The following TANGO6 variants were observed in gnomAD, a reference collection of about 807,000 sequenced individuals.
The protein encoded by TANGO6 is transport and Golgi organization protein 6 homolog.
Under a neutral mutation model 114.2 loss-of-function variants are expected in TANGO6, and 90 were observed. The observed-to-expected ratio is 0.79, with a 90% CI of 0.66 to 0.94. The LOEUF (loss-of-function observed/expected upper bound fraction) is 0.94, where lower values mean the gene tolerates loss of function less well. Ranked by LOEUF, TANGO6 falls within the 40% of genes least tolerant of loss-of-function variation. The pLI is 0.00. For missense variants in TANGO6, 1,274 were observed against 1,315.3 expected (o/e 0.97, Z 0.49); for synonymous variants, 477 against 509.8 (o/e 0.94, Z 0.87).
chr16:68,871,398 T>G (rs1169004239), intron 4 of TANGO6, among the ~76,000 whole-genome samples: 2 of 151,928 alleles, frequency 1.3e-5, no homozygotes, highest in Admixed American at 6.6e-5. Flanking sequence ...TTCTTTATGG[T>G]TTTTTTTCTG....
At chr16:69,042,421 C>T (rs1959788563) in intron 17 of TANGO6, among the ~76,000 whole-genome samples, 1 of 152,124 alleles carries the variant, frequency 6.6e-6, no homozygotes, top group East Asian at 1.9e-4. Flanking sequence ...GTGGCAGGCA[C>T]CTGTAATCCA....
intron 7 of TANGO6, among the ~76,000 whole-genome samples, chr16:68,897,864 C>T (rs1962727827): frequency 6.6e-6 from 1 of 152,136 alleles, no homozygotes; most frequent in African/African-American, 2.4e-5. Flanking sequence ...AGGTGTGAGC[C>T]ACCGCCCCTG....
intron 11 of TANGO6, among the ~76,000 whole-genome samples, chr16:68,916,514 C>G (rs1963007877): frequency 6.6e-6 from 1 of 151,542 alleles, no homozygotes; most frequent in African/African-American, 2.4e-5. Flanking sequence ...GAAACCGGTC[C>G]CTGGTGCCAA....
intron 11 of TANGO6, among the ~76,000 whole-genome samples, chr16:68,918,229 T>C (rs1317479682): frequency 6.6e-6 from 1 of 152,176 alleles, no homozygotes; most frequent in Non-Finnish European, 1.5e-5. Flanking sequence ...ATTATTGAGC[T>C]TTAAGAGTTC....
chr16:68,902,190 C>T (rs745470719), intron 8 of TANGO6, 138 bp from the exon 9 acceptor site: 250 of 661,592 alleles, frequency 3.8e-4, no homozygotes, highest in Non-Finnish European at 8.9e-5. Context: ...TCCATTCCTG[C>T]ATTTCAGTAG....
At chr16:68,862,476 C>T (rs1045109386) in intron 2 of TANGO6, among the ~76,000 whole-genome samples, 1 of 152,130 alleles carries the variant, frequency 6.6e-6, no homozygotes, top group East Asian at 1.9e-4. Context: ...GGATTACAGG[C>T]GTGAGCCACC....
intron 16 of TANGO6, among the ~76,000 whole-genome samples, chr16:69,037,009 G>A (rs1959699374): frequency 6.6e-6 from 1 of 151,710 alleles, no homozygotes; most frequent in Non-Finnish European, 1.5e-5. Context: ...GGTGGTGCAT[G>A]CCTATAGTCC....
chr16:69,041,590 C>T (rs763282705), intron 17 of TANGO6, among the ~76,000 whole-genome samples: 1 of 152,148 alleles, frequency 6.6e-6, no homozygotes, highest in Non-Finnish European at 1.5e-5. Context: ...CCTACACAGC[C>T]ACCTTTTCTC....
rs187572648 is a variant in TANGO6 at position 68,946,898 on chromosome 16, T to C, written c.2701+16603T>C. Among the ~76,000 whole-genome samples the C allele has an allele frequency of 8.5e-5, 13 of 152,294 alleles. No homozygotes were observed. In the East Asian group the frequency reaches 2.5e-3, roughly 29 times the overall value. ...GATTTATTTCTGTGTTTACTTCCAA[T>C]AGTTGTACAGATTTCACTCTTACAT... On this transcript the variant is annotated intron_variant, in intron 14 of 17. Coordinates refer to ENST00000261778, the MANE Select transcript of TANGO6 (RefSeq NM_024562.2).
intron 11 of TANGO6, among the ~76,000 whole-genome samples, chr16:68,910,746 G>A (rs532209047): frequency 3.9e-5 from 6 of 152,126 alleles, no homozygotes; most frequent in South Asian, 2.1e-4. Flanking sequence ...GCGCAGTCTC[G>A]GCTCACTGCA....
At chr16:69,079,163 T>G (rs2152245089) in intron 17 of TANGO6, among the ~76,000 whole-genome samples, 1 of 152,044 alleles carries the variant, frequency 6.6e-6, no homozygotes, top group Admixed American at 6.6e-5. Context: ...CTGTCTCTAT[T>G]TTTTAAAAAA....
intron 16 of TANGO6, among the ~76,000 whole-genome samples, chr16:69,037,964 TA>T (rs1335629146): frequency 1.3e-5 from 2 of 152,242 alleles, no homozygotes; most frequent in African/African-American, 2.4e-5. Context: ...CCTGTATAGT[TA>T]AAATTTCTGC....
At chr16:68,955,379 G>A (rs543182017) in intron 14 of TANGO6, among the ~76,000 whole-genome samples, 8 of 152,220 alleles carry the variant, frequency 5.3e-5, no homozygotes, top group South Asian at 2.1e-4. Context: ...AATTTCATCC[G>A]GGATATATCT....
chr16:68,923,434 G>A (rs1253772802), intron 12 of TANGO6, among the ~76,000 whole-genome samples: 1 of 152,164 alleles, frequency 6.6e-6, no homozygotes, highest in East Asian at 1.9e-4. Context: ...CAGAATGGAG[G>A]AAGGGGAGAG....
At chr16:68,856,180 A>T (rs1237964687) in intron 1 of TANGO6, among the ~76,000 whole-genome samples, 2 of 152,194 alleles carry the variant, frequency 1.3e-5, no homozygotes, top group African/African-American at 2.4e-5. Flanking sequence ...TAGAAGTGAG[A>T]ATAGACATCC....
chr16:68,954,520 A>G (rs1240629082), intron 14 of TANGO6, among the ~76,000 whole-genome samples: 1 of 152,202 alleles, frequency 6.6e-6, no homozygotes. Context: ...CAAAAGAAAA[A>G]AAAAGTTTTG....
intron 14 of TANGO6, among the ~76,000 whole-genome samples, chr16:68,954,249 C>CA (rs552507549): frequency 0.14 from 8,562 of 59,480 alleles, 489 homozygotes; most frequent in African/African-American, 0.16. Flanking sequence ...GACTCCATCT[C>CA]AAAAAAAAAA....
intron 15 of TANGO6, among the ~76,000 whole-genome samples, chr16:68,990,917 G>C (rs1963940760): frequency 6.6e-6 from 1 of 152,192 alleles, no homozygotes; most frequent in African/African-American, 2.4e-5. Flanking sequence ...TGTGAAGGAT[G>C]ACTTAGAATG....
intron 14 of TANGO6, among the ~76,000 whole-genome samples, chr16:68,940,135 T>C (rs1241804694): frequency 1.3e-5 from 2 of 151,428 alleles, no homozygotes; most frequent in Non-Finnish European, 2.9e-5. Flanking sequence ...TTTCTTTCCT[T>C]TCTTTTTATT....
Sources: gnomAD v4.1 joint callset for allele counts (sites outside exome capture counted in the v4.1 genomes callset) on GRCh38, gnomAD v4.1.1 for gene constraint, MANE v1.5 for transcripts, NCBI Gene and HGNC (gene_info 2026-07-23, HGNC 2026-07-21) for gene names.